The following KCNG2 variants were observed in gnomAD, a reference collection of about 807,000 sequenced individuals.
The protein encoded by KCNG2 is potassium voltage-gated channel modifier subfamily G member 2, also known as voltage-gated potassium channel regulatory subunit KCNG2.
In KCNG2, 7 loss-of-function variants were observed where a neutral mutation model predicts 12.3. That is an observed-to-expected ratio of 0.57 (90% CI 0.32 to 1.07). The LOEUF is 1.07. KCNG2 is among the 50% of genes least tolerant of loss of function. The probability of loss-of-function intolerance (pLI) is 0.04; values close to 1 mark genes in which losing one functional copy is unlikely to be tolerated. For synonymous variants in KCNG2, 414 were observed against 351.4 expected (o/e 1.18, Z -1.99); for missense variants, 703 against 726.0 (o/e 0.97, Z 0.36).
intron 1 of KCNG2, among the ~76,000 whole-genome samples, chr18:79,824,943 G>C (rs2087601514): frequency 6.6e-6 from 1 of 151,986 alleles, no homozygotes. Context: ...ATTATATTTG[G>C]TTTAAATATC....
intron 1 of KCNG2, among the ~76,000 whole-genome samples, chr18:79,856,036 T>C (rs531391007): frequency 6.6e-6 from 1 of 152,232 alleles, no homozygotes; most frequent in Non-Finnish European, 1.5e-5. Flanking sequence ...GAAGTAACTT[T>C]GTAATCTCCT....
In KCNG2 at chr18:79,872,280, G is replaced by GTTTTTTTTTTTTTTTTTTTTTTT. The variant is rs1162742507; in HGVS notation, c.624+7990_624+8012dup. On this transcript the variant is annotated intron_variant, in intron 3 of 3. Coordinates refer to ENST00000316249, the MANE Select transcript of KCNG2 (RefSeq NM_012283.2). ...CTGATATAAAAGCTTCAAAGCTTCA[G>GTTTTTTTTTTTTTTTTTTTTTTT]TTTTTTTTTTTTTTTTTTTTTTTGA... Among the ~76,000 whole-genome samples the GTTTTTTTTTTTTTTTTTTTTTTT allele has an allele frequency of 1.8e-4, 13 of 73,414 alleles. 2 individuals carry two copies. Among genetic ancestry groups the GTTTTTTTTTTTTTTTTTTTTTTT allele is most frequent in the African/African-American group, 6.3e-4 (12 of 19,070 alleles). The allele number at this position is 73,414 out of a possible 152,430, so 48.2% of individuals were successfully genotyped here. A position where few individuals can be genotyped will look rare whatever the true frequency, so the allele number is the denominator to read the frequency against.
Position 79,899,909 on chromosome 18 carries a change from G to A in KCNG2, c.*93G>A, listed in dbSNP as rs1318073578. On this transcript the variant is annotated 3_prime_UTR_variant, in exon 4 of 4. Transcript: ENST00000316249. ...CCAAGGGGTGGGGGGCGTCTGGCCT[G>A]GGGGAGCGGCTCCTGCCGGCCGCGT... 6.8e-6 allele frequency: 8 copies of A among 1,173,100 alleles called. No individual in the cohort carries two copies. In the East Asian group the frequency reaches 2.7e-4, roughly 40 times the overall value. The allele number at this position is 1,173,100 out of a possible 1,614,324, so 72.7% of individuals were successfully genotyped here.
chr18:79,843,848 TAAC>T (rs1978539694), intron 1 of KCNG2, among the ~76,000 whole-genome samples: 1 of 152,076 alleles, frequency 6.6e-6, no homozygotes, highest in South Asian at 2.1e-4. Context: ...TGAGAACAAT[TAAC>T]AAAATGGTGG....
chr18:79,798,249 C>A (rs936032666), intron 1 of KCNG2, among the ~76,000 whole-genome samples: 1 of 151,908 alleles, frequency 6.6e-6, no homozygotes, highest in Non-Finnish European at 1.5e-5. Context: ...GGTGCCTCCC[C>A]CTCCCGCTCA....
chr18:79,865,131 A>G (rs1174466000), intron 3 of KCNG2, among the ~76,000 whole-genome samples: 4 of 140,978 alleles, frequency 2.8e-5, no homozygotes, highest in East Asian at 2.2e-4. Context: ...GGGTGCTGAG[A>G]GGGCTGTCTG....
chr18:79,874,656 G>T (rs1008576767), intron 3 of KCNG2, among the ~76,000 whole-genome samples: 3 of 152,214 alleles, frequency 2.0e-5, no homozygotes, highest in Admixed American at 6.5e-5. Context: ...GGGTCATTCT[G>T]AGGCTGGGTT....
At chr18:79,830,892 G>A (rs1328866660) in intron 1 of KCNG2, among the ~76,000 whole-genome samples, 1 of 122,402 alleles carries the variant, frequency 8.2e-6, no homozygotes, top group African/African-American at 3.2e-5. Context: ...CAGAGCCTTC[G>A]TCAGGAGGGT....
chr18:79,839,605 C>T (rs1310593251), intron 1 of KCNG2, among the ~76,000 whole-genome samples: 2 of 152,166 alleles, frequency 1.3e-5, no homozygotes, highest in African/African-American at 4.8e-5. Flanking sequence ...AATCTCCAAG[C>T]CCAGATGATT....
At chr18:79,889,116 T>C (rs1980657757) in intron 3 of KCNG2, among the ~76,000 whole-genome samples, 1 of 152,222 alleles carries the variant, frequency 6.6e-6, no homozygotes, top group African/African-American at 2.4e-5. Flanking sequence ...TCTGTTCACT[T>C]TCTTGCTGTT....
chr18:79,845,164 C>T (rs1264886517), intron 1 of KCNG2, among the ~76,000 whole-genome samples: 2 of 152,184 alleles, frequency 1.3e-5, no homozygotes, highest in Non-Finnish European at 2.9e-5. Context: ...AAAAGCCAAT[C>T]CTAAAAGGTT....
intron 1 of KCNG2, among the ~76,000 whole-genome samples, chr18:79,804,977 C>T (rs2087437774): frequency 6.6e-6 from 1 of 152,104 alleles, no homozygotes; most frequent in Non-Finnish European, 1.5e-5. Flanking sequence ...CGGGTGAAGG[C>T]TCTCATACAT....
In KCNG2 at chr18:79,899,167, T is replaced by C; in HGVS notation, c.752T>C (p.Leu251Pro). ...ESKCAFLRAP[L>P]NIIDILALLP... ...AAGTGCGCCTTCCTGCGCGCGCCAC[T>C]CAACATCATTGACATCCTGGCGCTC... Residue 251 changes from leucine (L) to proline (P), a missense_variant, in exon 4 of 4, where the codon CTC becomes CCC. Physicochemically the swap from Leu to Pro is moderately conservative, Grantham distance 98. Coordinates refer to ENST00000316249, the MANE Select transcript of KCNG2 (RefSeq NM_012283.2). 1 of 1,606,440 alleles carries C rather than the reference T, an allele frequency of 6.2e-7. No individual in the cohort carries two copies. Among genetic ancestry groups the C allele is most frequent in the Non-Finnish European group, 8.5e-7 (1 of 1,179,646 alleles).
rs540228353 is a variant in KCNG2 at position 79,845,951 on chromosome 18, C to T, written c.-114-10428C>T. Among the ~76,000 whole-genome samples, 260 of 152,078 alleles carry T rather than the reference C, an allele frequency of 1.7e-3. 1 individual carries two copies. Among genetic ancestry groups the T allele is most frequent in the Non-Finnish European group, 2.7e-3 (185 of 67,988 alleles). ...AAATACAAAGAAAAAATTAGCCAGG[C>T]GTAGTGGCGGGCCCCTGTAGTCCCA... is the stretch of plus-strand genomic sequence containing the variant. On this transcript the variant is annotated intron_variant, in intron 1 of 3. Transcript: ENST00000316249.
rs1229469141 is a variant in KCNG2 at position 79,803,587 on chromosome 18, G to A, written c.-115+5573G>A. Among the ~76,000 whole-genome samples, 3 of 152,206 alleles carry A rather than the reference G, an allele frequency of 2.0e-5. No homozygotes were observed. Among genetic ancestry groups the A allele is most frequent in the African/African-American group, 7.2e-5 (3 of 41,448 alleles). ...GCCTGTGATTCTGGGGGCTCCGATC[G>A]TGTTTCTTCCCTGAGAACCTGCAGG... On this transcript the variant is annotated intron_variant, in intron 1 of 3. Transcript: ENST00000316249. This position sits in a 1 kb window ranked among gnomAD's most constrained non-coding sequence, Gnocchi z 4.5.
intron 1 of KCNG2, among the ~76,000 whole-genome samples, chr18:79,845,534 C>T (rs924531163): frequency 6.6e-6 from 1 of 151,990 alleles, no homozygotes; most frequent in Admixed American, 6.6e-5. Flanking sequence ...CTGTACATAC[C>T]CTGCTTTGTG....
At chr18:79,821,463 T>A (rs1167587513) in intron 1 of KCNG2, among the ~76,000 whole-genome samples, 3 of 152,054 alleles carry the variant, frequency 2.0e-5, no homozygotes, top group Non-Finnish European at 4.4e-5. Context: ...CTAATTTATG[T>A]ATTTTTAGTA....
rs749861601 is a variant in KCNG2 at position 79,878,367 on chromosome 18, GC to G, written c.624+14079del. On this transcript the variant is annotated intron_variant, in intron 3 of 3. Coordinates refer to ENST00000316249, the MANE Select transcript of KCNG2 (RefSeq NM_012283.2). ...TGGCAGTGTGCGGAGGGCGCCTGAT[GC>G]CCATGTGGCAGTGTGCGGAGGGCGC... Among the ~76,000 whole-genome samples, 365 of 61,832 alleles carry G rather than the reference GC, an allele frequency of 5.9e-3. 47 individuals carry two copies. The highest frequency in any genetic ancestry group is 0.019 in the South Asian group (15 of 790). The allele number at this position is 61,832 out of a possible 152,430, so 40.6% of individuals were successfully genotyped here.
chr18:79,834,548 C>T (rs933533127), intron 1 of KCNG2, among the ~76,000 whole-genome samples: 24 of 152,162 alleles, frequency 1.6e-4, no homozygotes, highest in African/African-American at 5.3e-4. Flanking sequence ...CGGGGTCCAC[C>T]GAGCTCTGGG....
Sources: allele counts gnomAD v4.1 joint callset (sites outside exome capture counted in the v4.1 genomes callset), GRCh38; gene constraint gnomAD v4.1.1; non-coding constraint Gnocchi (gnomAD v3.1); transcripts MANE v1.5; gene names NCBI Gene and HGNC (gene_info 2026-07-23, HGNC 2026-07-21).